RBFOX1: variants seen among roughly 807,000 people sequenced by gnomAD.
RBFOX1 encodes RNA binding protein fox-1 homolog 1.
RBFOX1 carries 8 observed loss-of-function variants against 57.7 expected under a neutral mutation model. The observed-to-expected ratio is 0.14, with a 90% CI of 0.08 to 0.25. The LOEUF (loss-of-function observed/expected upper bound fraction) is 0.25. RBFOX1 is among the 10% of genes least tolerant of loss of function. The pLI is 1.00. For missense variants in RBFOX1, 611 were observed against 548.5 expected (o/e 1.11, Z -1.14); for synonymous variants, 326 against 222.4 (o/e 1.47, Z -4.15).
At chr16:6,432,835 G>C (rs1457223863) in intron 2 of RBFOX1, among the ~76,000 whole-genome samples, 1 of 151,974 alleles carries the variant, frequency 6.6e-6, no homozygotes, top group Non-Finnish European at 1.5e-5. Flanking sequence ...AAACTTAGCT[G>C]GGCGTGGTGG....
chr16:5,503,723 C>T (rs1373320425), intron 2 of RBFOX1, among the ~76,000 whole-genome samples: 1 of 152,142 alleles, frequency 6.6e-6, no homozygotes, highest in Non-Finnish European at 1.5e-5. Flanking sequence ...GTATTACAAG[C>T]ATGAGCCACC....
At position 6,798,968 on chromosome 16, in the gene RBFOX1, G is replaced by C. The variant is rs149687233; in HGVS notation, c.-16+144318G>C. Among the ~76,000 whole-genome samples, 984 of 152,186 alleles carry C rather than the reference G, an allele frequency of 6.5e-3. 11 individuals are homozygous for C. The highest frequency in any genetic ancestry group is 0.023 in the African/African-American group (935 of 41,506). ...TCAAATGGCTACTTGTTACATCTTG[G>C]GGTAGGAGGGGAGTCTTTTAGGAAA... On this transcript the variant is annotated intron_variant, in intron 3 of 15. Transcript: ENST00000550418.
chr16:7,064,184 T>G (rs1442629211), intron 4 of RBFOX1, among the ~76,000 whole-genome samples: 1 of 56,714 alleles, frequency 1.8e-5, no homozygotes, highest in Non-Finnish European at 3.5e-5. Context: ...TTTTTTTTTT[T>G]CTGAGGTGGA....
intron 5 of RBFOX1, among the ~76,000 whole-genome samples, chr16:7,548,033 CTG>C (rs1272727684): frequency 2.0e-5 from 3 of 152,328 alleles, no homozygotes; most frequent in Non-Finnish European, 4.4e-5. Context: ...AGAGGACACT[CTG>C]TAAACAGAAA....
At chr16:5,656,484 AACATAT>A (rs2049434131) in intron 3 of RBFOX1, among the ~76,000 whole-genome samples, 1 of 152,220 alleles carries the variant, frequency 6.6e-6, no homozygotes, top group Non-Finnish European at 1.5e-5. Context: ...GTACATAGTT[AACATAT>A]ACAACTTGTT....
At chr16:5,297,531 G>T (rs144737177) in intron 1 of RBFOX1, among the ~76,000 whole-genome samples, 7 of 152,064 alleles carry the variant, frequency 4.6e-5, no homozygotes, top group African/African-American at 1.7e-4. Flanking sequence ...TGGGTCATTT[G>T]TATGTCTTCT....
chr16:5,496,523 C>G (rs149612632), intron 2 of RBFOX1, among the ~76,000 whole-genome samples: 1 of 152,258 alleles, frequency 6.6e-6, no homozygotes, highest in South Asian at 2.1e-4. Flanking sequence ...GGTCGTACTC[C>G]GTGGTTATCC....
chr16:5,499,866 C>T (rs1265983313), intron 2 of RBFOX1, among the ~76,000 whole-genome samples: 1 of 152,092 alleles, frequency 6.6e-6, no homozygotes, highest in African/African-American at 2.4e-5. Flanking sequence ...AGCCACTGTG[C>T]CCGGCCAAGC....
chr16:7,192,997 G>A (rs1237646828), intron 4 of RBFOX1, among the ~76,000 whole-genome samples: 1 of 152,164 alleles, frequency 6.6e-6, no homozygotes, highest in African/African-American at 2.4e-5. Context: ...AAGGTGGTAG[G>A]CAAAATAATG....
chr16:7,415,262 A>G (rs2098467241), intron 4 of RBFOX1, among the ~76,000 whole-genome samples: 1 of 152,206 alleles, frequency 6.6e-6, no homozygotes, highest in Admixed American at 6.5e-5. Flanking sequence ...GATGCATCTG[A>G]TATGCATCCA....
chr16:7,454,175 G>C (rs1383677706), intron 4 of RBFOX1, among the ~76,000 whole-genome samples: 1 of 152,214 alleles, frequency 6.6e-6, no homozygotes, highest in African/African-American at 2.4e-5. Flanking sequence ...TGAGGTCCCA[G>C]TGAGCCGAAA....
intron 3 of RBFOX1, among the ~76,000 whole-genome samples, chr16:6,779,408 G>T (rs930043421): frequency 3.3e-5 from 5 of 151,646 alleles, no homozygotes; most frequent in Non-Finnish European, 7.4e-5. Context: ...TTTTCATTCG[G>T]TTCATACATT....
intron 5 of RBFOX1, among the ~76,000 whole-genome samples, chr16:7,558,482 T>C (rs541193048): frequency 1.3e-5 from 2 of 152,216 alleles, no homozygotes; most frequent in African/African-American, 2.4e-5. Context: ...CATAAATACA[T>C]GTGTACACAT....
intron 4 of RBFOX1, among the ~76,000 whole-genome samples, chr16:7,342,881 G>A (rs2096924989): frequency 6.6e-6 from 1 of 152,278 alleles, no homozygotes; most frequent in East Asian, 1.9e-4. Context: ...GCATCAGGGG[G>A]CCATGTCATT....
chr16:6,114,047 C>A, intron 1 of RBFOX1, among the ~76,000 whole-genome samples: 1 of 151,756 alleles, frequency 6.6e-6, no homozygotes, highest in South Asian at 2.1e-4. Context: ...AATTATTTAC[C>A]GTTCTTCCTA....
At chr16:6,170,347 T>A (rs2096950939) in intron 1 of RBFOX1, among the ~76,000 whole-genome samples, 1 of 152,180 alleles carries the variant, frequency 6.6e-6, no homozygotes, top group Non-Finnish European at 1.5e-5. Context: ...CTGCTCTTTT[T>A]CCAATGCCTT....
chr16:7,309,571 C>A (rs900107852), intron 4 of RBFOX1, among the ~76,000 whole-genome samples: 5 of 152,218 alleles, frequency 3.3e-5, no homozygotes, highest in Non-Finnish European at 7.3e-5. Flanking sequence ...GTTTTCCTTA[C>A]AGCTGACCCT....
intron 6 of RBFOX1, among the ~76,000 whole-genome samples, chr16:7,586,079 CAA>C (rs560600432): frequency 6.6e-6 from 1 of 151,686 alleles, no homozygotes; most frequent in Non-Finnish European, 1.5e-5. Flanking sequence ...CAAAACAAAA[CAA>C]AAAAAGAGGA....
chr16:6,109,433 T>C (rs2096418627), intron 1 of RBFOX1, among the ~76,000 whole-genome samples: 1 of 152,208 alleles, frequency 6.6e-6, no homozygotes, highest in Admixed American at 6.5e-5. Context: ...TGAAAAGCCT[T>C]TCTTATCACC....
Sources: gnomAD v4.1 joint callset for allele counts (sites outside exome capture counted in the v4.1 genomes callset) on GRCh38, gnomAD v4.1.1 for gene constraint, MANE v1.5 for transcripts, NCBI Gene and HGNC (gene_info 2026-07-23, HGNC 2026-07-21) for gene names.